MCCC2: variants seen among roughly 807,000 people sequenced by gnomAD.
The protein encoded by MCCC2 is methylcrotonyl-CoA carboxylase subunit 2.
Under a neutral mutation model 77.2 loss-of-function variants are expected in MCCC2, and 52 were observed. That is an observed-to-expected ratio of 0.67 (90% confidence interval 0.54 to 0.85). The LOEUF is 0.85. Among genes scored for constraint, MCCC2 ranks in the 40% least tolerant of loss-of-function variants. The probability of loss-of-function intolerance (pLI) is 0.00; values close to 1 mark genes in which losing one functional copy is unlikely to be tolerated. For synonymous variants in MCCC2, 253 were observed against 248.4 expected (o/e 1.02, Z -0.18); for missense variants, 682 against 703.2 (o/e 0.97, Z 0.34).
chr5:71,613,990 TTA>T (rs1227765089), intron 6 of MCCC2, among the ~76,000 whole-genome samples: 2 of 150,214 alleles, frequency 1.3e-5, no homozygotes, highest in Non-Finnish European at 1.5e-5. Flanking sequence ...ATAGTTCATA[TTA>T]TATATATATG....
At chr5:71,624,318 A>G (rs1746462362) in intron 6 of MCCC2, among the ~76,000 whole-genome samples, 1 of 152,164 alleles carries the variant, frequency 6.6e-6, no homozygotes, top group South Asian at 2.1e-4. Context: ...AGATGGTATG[A>G]TGGCATTTAG....
rs146901052 is a variant in MCCC2 at position 71,616,409 on chromosome 5, A to G, written c.625-10231A>G. On this transcript the variant is annotated intron_variant, in intron 6 of 16. Coordinates refer to ENST00000340941, the MANE Select transcript of MCCC2 (RefSeq NM_022132.5). ...CTGAGCCCTTAGTCTGTGGGATCTGATGCTGTCTCTAGGTAGACTGTAAGA... is the reference window on the plus strand; with the variant it reads ...CTGAGCCCTTAGTCTGTGGGATCTGGTGCTGTCTCTAGGTAGACTGTAAGA... Among the ~76,000 whole-genome samples, 24 of 152,322 alleles carry G rather than the reference A, an allele frequency of 1.6e-4. 1 individual carries two copies. The East Asian group carries it at 4.6e-3, about 29-fold the overall frequency.
At chr5:71,634,819 T>A in intron 8 of MCCC2, 124 bp from the exon 9 acceptor site, 1 of 835,132 alleles carries the variant, frequency 1.2e-6, no homozygotes, top group Non-Finnish European at 1.9e-6. Flanking sequence ...AGATGACAAA[T>A]TTTTTAAGTG....
At chr5:71,627,200 C>A (rs1377644239) in intron 7 of MCCC2, among the ~76,000 whole-genome samples, 1 of 152,186 alleles carries the variant, frequency 6.6e-6, no homozygotes, top group Non-Finnish European at 1.5e-5. Context: ...AAATAATGTT[C>A]CATTGTATGT....
chr5:71,612,391 T>C (rs1745988213), intron 6 of MCCC2, among the ~76,000 whole-genome samples: 1 of 152,256 alleles, frequency 6.6e-6, no homozygotes, highest in African/African-American at 2.4e-5. Flanking sequence ...TATTTTACTG[T>C]TACACAGTGA....
chr5:71,614,880 A>G (rs558286865), intron 6 of MCCC2, among the ~76,000 whole-genome samples: 1 of 152,312 alleles, frequency 6.6e-6, no homozygotes, highest in African/African-American at 2.4e-5. Flanking sequence ...AAAGGAAACA[A>G]AAAAAGAACA....
At chr5:71,650,258 G>A in intron 15 of MCCC2, 75 bp downstream of exon 15, 1 of 1,263,766 alleles carries the variant, frequency 7.9e-7, no homozygotes. Flanking sequence ...GGAGCAGCGT[G>A]CCTGGAAGCC....
At chr5:71,600,620 A>C (rs1745389781) in intron 4 of MCCC2, among the ~76,000 whole-genome samples, 1 of 152,142 alleles carries the variant, frequency 6.6e-6, no homozygotes, top group Non-Finnish European at 1.5e-5. Flanking sequence ...CCTTTCTTAC[A>C]TAAAAATTGT....
chr5:71,650,810 G>A (rs977907793), intron 15 of MCCC2, among the ~76,000 whole-genome samples: 3 of 152,050 alleles, frequency 2.0e-5, no homozygotes, highest in African/African-American at 4.8e-5. Context: ...TACCATGCCT[G>A]GCTAATTTTT....
At chr5:71,596,525 A>G (rs1745196231) in intron 3 of MCCC2, among the ~76,000 whole-genome samples, 161 bp downstream of exon 3, 1 of 152,204 alleles carries the variant, frequency 6.6e-6, no homozygotes, top group Non-Finnish European at 1.5e-5. Flanking sequence ...ATGTGTTGAC[A>G]TGTTTATTGA....
intron 6 of MCCC2, among the ~76,000 whole-genome samples, chr5:71,609,938 G>C (rs1227042755): frequency 2.0e-5 from 3 of 152,164 alleles, no homozygotes; most frequent in South Asian, 4.1e-4. Context: ...CAGATCTCCA[G>C]CTGTGTGCTG....
chr5:71,614,019 A>C (rs1746064480), intron 6 of MCCC2, among the ~76,000 whole-genome samples: 1 of 79,506 alleles, frequency 1.3e-5, no homozygotes. Context: ...ATTATGTATA[A>C]CGTATATAAT....
In MCCC2 at chr5:71,656,908, ATGTAGTAGCCTTAAAATT is replaced by A. The variant is rs1188897499; in HGVS notation, c.*50_*67del. 7.1e-7 allele frequency: 1 copy of A among 1,417,190 alleles called. No homozygotes were observed. Among genetic ancestry groups the A allele is most frequent in the Non-Finnish European group, 1.0e-6 (1 of 1,001,324 alleles). 87.8% of individuals were successfully genotyped at this position (1,417,190 alleles called of 1,614,324 possible). The stretch of plus-strand genomic sequence containing the variant: ...TTGGACATGTACTGAAAATTAACAC[ATGTAGTAGCCTTAAAATT>A]TTAGACTTCTCGAACATGAGGCTGT... On this transcript the variant is annotated 3_prime_UTR_variant, in exon 17 of 17. Transcript: ENST00000340941.
Position 71,611,611 on chromosome 5 carries a change from A to G in MCCC2, c.624+7143A>G, listed in dbSNP as rs183524410. On this transcript the variant is annotated intron_variant, in intron 6 of 16. Coordinates refer to ENST00000340941, the MANE Select transcript of MCCC2 (RefSeq NM_022132.5). ...ATCAATATATGGCTATTTACTATGT[A>G]TGTAAAGGTTAAATACATCGAATCC... 5.3e-5 allele frequency among the ~76,000 whole-genome samples: 8 copies of G among 152,280 alleles called. No homozygotes were observed. The East Asian group carries it at 1.2e-3, about 22-fold the overall frequency.
intron 1 of MCCC2, among the ~76,000 whole-genome samples, chr5:71,590,362 T>C (rs1744925348): frequency 6.6e-6 from 1 of 152,208 alleles, no homozygotes; most frequent in Admixed American, 6.5e-5. Flanking sequence ...GGCACAGATG[T>C]TGCCCAGTCT....
chr5:71,656,768 C>A lies in MCCC2; in HGVS notation c.1600C>A (p.Pro534Thr). The part of the protein sequence containing the change: ...ARVWDDGIID[P>T]ADTRLVLGLS... ...GGTATGGGATGATGGGATCATTGAT[C>A]CAGCAGACACCAGACTGGTCTTGGG... The change falls in exon 17 of 17, where the codon CCA (proline) becomes ACA (threonine). Residue 534 changes from proline (P) to threonine (T), a missense_variant. Physicochemically the swap from Pro to Thr is conservative, Grantham distance 38 (BLOSUM62 -1). Transcript: ENST00000340941. The A allele has an allele frequency of 6.2e-7, 1 of 1,613,938 alleles. No homozygotes were observed. The highest frequency in any genetic ancestry group is 1.1e-5 in the South Asian group (1 of 91,074).
rs1215030233 is a variant in MCCC2 at position 71,657,023 on chromosome 5, T to C, written c.*163T>C. On this transcript the variant is annotated 3_prime_UTR_variant, in exon 17 of 17. Coordinates refer to ENST00000340941, the MANE Select transcript of MCCC2 (RefSeq NM_022132.5). ...AAAATCAGTGAGGATATTTATTTAA[T>C]GAACATCAATTCCTTTTAAATTTTC... 3.5e-5 allele frequency: 21 copies of C among 592,286 alleles called. No homozygotes were observed. Among genetic ancestry groups the C allele is most frequent in the Non-Finnish European group, 6.0e-5 (20 of 332,196 alleles). The allele number at this position is 592,286 out of a possible 1,614,324, so 36.7% of individuals were successfully genotyped here.
chr5:71,638,599 C>A (rs1343131518), intron 10 of MCCC2, among the ~76,000 whole-genome samples: 4 of 152,018 alleles, frequency 2.6e-5, no homozygotes, highest in African/African-American at 4.8e-5. Flanking sequence ...TGGCTCACTG[C>A]AACCTCTATC....
chr5:71,624,701 T>C (rs1199057310), intron 6 of MCCC2, among the ~76,000 whole-genome samples: 4 of 147,470 alleles, frequency 2.7e-5, no homozygotes, highest in East Asian at 2.0e-4. Flanking sequence ...TTCTTTTTTT[T>C]TTTTTTTTTT....
Sources: gnomAD v4.1 joint callset for allele counts (sites outside exome capture counted in the v4.1 genomes callset) on GRCh38, gnomAD v4.1.1 for gene constraint, MANE v1.5 for transcripts, NCBI Gene and HGNC (gene_info 2026-07-23, HGNC 2026-07-21) for gene names.